MECOM: variants seen among roughly 807,000 people sequenced by gnomAD.
MECOM encodes the protein MDS1 and EVI1 complex locus, also known as histone-lysine N-methyltransferase MECOM.
In MECOM, 13 loss-of-function variants were observed where a neutral mutation model predicts 116.3. The observed-to-expected ratio is 0.11, with a 90% CI of 0.07 to 0.18. MECOM has a LOEUF of 0.18. Ranked by LOEUF, MECOM falls within the 10% of genes least tolerant of loss-of-function variation. The pLI, the probability that MECOM is intolerant of heterozygous loss-of-function variation, is 1.00. For synonymous variants in MECOM, 528 were observed against 535.2 expected (o/e 0.99, Z 0.19); for missense variants, 1,299 against 1,509.0 (o/e 0.86, Z 2.31).
chr3:169,145,157 C>A lies in MECOM; in HGVS notation c.376-1325G>T, dbSNP rs533352644. On this transcript the variant is annotated intron_variant, in intron 2 of 16. Coordinates refer to ENST00000651503, the MANE Select transcript of MECOM (RefSeq NM_004991.4). Reference sequence around the variant, plus strand: ...GGATATTATTAAACACACACACACACACACACACACACACACACACACACA... The same window carrying A: ...GGATATTATTAAACACACACACACAAACACACACACACACACACACACACA... 1.2e-3 allele frequency: 502 copies of A among 407,672 alleles called. 8 individuals carry two copies. The African/African-American group carries it at 0.022, about 18-fold the overall frequency. 25.3% of individuals were successfully genotyped at this position (407,672 alleles called of 1,614,324 possible). A position where few individuals can be genotyped will look rare whatever the true frequency, so the allele number is the denominator to read the frequency against.
At chr3:169,484,435 T>C (rs190547086) in intron 1 of MECOM, among the ~76,000 whole-genome samples, 1 of 152,070 alleles carries the variant, frequency 6.6e-6, no homozygotes, top group Non-Finnish European at 1.5e-5. Flanking sequence ...CTTCCATAAA[T>C]TTCAGCAAAA....
At chr3:169,211,466 G>A (rs565922365) in intron 2 of MECOM, among the ~76,000 whole-genome samples, 1 of 152,086 alleles carries the variant, frequency 6.6e-6, no homozygotes, top group African/African-American at 2.4e-5. Flanking sequence ...TTCTTCTGTG[G>A]TCTTGTCAAA....
chr3:169,172,466 C>T (rs1744583598), intron 2 of MECOM, among the ~76,000 whole-genome samples: 1 of 148,026 alleles, frequency 6.8e-6, no homozygotes, highest in African/African-American at 2.5e-5. Flanking sequence ...AAATTAAAGG[C>T]CTATCCATAT....
At chr3:169,493,253 A>G (rs948809548) in intron 1 of MECOM, among the ~76,000 whole-genome samples, 8 of 152,156 alleles carry the variant, frequency 5.3e-5, no homozygotes, top group African/African-American at 1.4e-4. Context: ...ATTTGCAAAT[A>G]TGGTTTATTT....
At chr3:169,409,168 C>A (rs1737170171) in intron 1 of MECOM, among the ~76,000 whole-genome samples, 1 of 152,178 alleles carries the variant, frequency 6.6e-6, no homozygotes, top group African/African-American at 2.4e-5. Context: ...TAATATCTCA[C>A]CAACCTAAGG....
At chr3:169,400,048 G>A (rs997031786) in intron 1 of MECOM, among the ~76,000 whole-genome samples, 3 of 152,124 alleles carry the variant, frequency 2.0e-5, no homozygotes, top group Non-Finnish European at 4.4e-5. Context: ...TATTTTCCCT[G>A]CTGCTTCCTT....
chr3:169,406,241 C>T (rs567137283), intron 1 of MECOM, among the ~76,000 whole-genome samples: 58 of 152,298 alleles, frequency 3.8e-4, no homozygotes, highest in Non-Finnish European at 7.1e-4. Flanking sequence ...CAATAGATTA[C>T]GCTTTTGGAA....
At chr3:169,454,028 C>T (rs192446629) in intron 1 of MECOM, among the ~76,000 whole-genome samples, 4 of 152,236 alleles carry the variant, frequency 2.6e-5, no homozygotes, top group Admixed American at 2.6e-4. Context: ...TGTGCAAGGT[C>T]CCTGTCCACC....
intron 1 of MECOM, among the ~76,000 whole-genome samples, chr3:169,662,160 G>A (rs1024134709): frequency 6.6e-6 from 1 of 152,212 alleles, no homozygotes; most frequent in Non-Finnish European, 1.5e-5. Context: ...GTAAGAGTGG[G>A]GGATGGGACT....
At chr3:169,656,227 T>G (rs1185357265) in intron 1 of MECOM, among the ~76,000 whole-genome samples, 3 of 152,228 alleles carry the variant, frequency 2.0e-5, no homozygotes, top group Non-Finnish European at 4.4e-5. Flanking sequence ...TTTAGGCAGG[T>G]TCTTGAACAA....
chr3:169,241,361 A>C (rs146032689), intron 2 of MECOM, among the ~76,000 whole-genome samples: 1 of 152,250 alleles, frequency 6.6e-6, no homozygotes, highest in East Asian at 1.9e-4. Flanking sequence ...GACCAACCCT[A>C]AATCTTAGGG....
At position 169,472,628 on chromosome 3, in the gene MECOM, A is replaced by G. The variant is rs183343241; in HGVS notation, c.38-91104T>C. Among the ~76,000 whole-genome samples the G allele has an allele frequency of 2.0e-3, 156 of 77,390 alleles. 2 individuals carry two copies. The highest frequency in any genetic ancestry group is 4.6e-3 in the African/African-American group (57 of 12,278). The allele number at this position is 77,390 out of a possible 152,430, so 50.8% of individuals were successfully genotyped here. A position where few individuals can be genotyped will look rare whatever the true frequency, so the allele number is the denominator to read the frequency against. On this transcript the variant is annotated intron_variant, in intron 1 of 16. Transcript: ENST00000651503. ...GAAAGGAAAGGAAAGAAAAGAAAAG[A>G]AAAGAAAAGGAAAGGAAAGGAAAAG... is the stretch of plus-strand genomic sequence containing the variant.
intron 2 of MECOM, among the ~76,000 whole-genome samples, chr3:169,219,037 G>A (rs1023423203): frequency 6.6e-6 from 1 of 151,980 alleles, no homozygotes; most frequent in Non-Finnish European, 1.5e-5. Context: ...TGCTGCTGTG[G>A]GCTTTTTGCA....
chr3:169,369,428 C>T (rs1187246351), intron 2 of MECOM, among the ~76,000 whole-genome samples: 1 of 139,678 alleles, frequency 7.2e-6, no homozygotes, highest in Non-Finnish European at 1.5e-5. Context: ...CTCACTGCAT[C>T]CTTGACCTCC....
At chr3:169,242,730 C>A (rs559399691) in intron 2 of MECOM, among the ~76,000 whole-genome samples, 1 of 152,206 alleles carries the variant, frequency 6.6e-6, no homozygotes, top group East Asian at 1.9e-4. Flanking sequence ...TAGTATTTGG[C>A]CTTGGTGATC....
At chr3:169,232,414 T>C (rs953450693) in intron 2 of MECOM, among the ~76,000 whole-genome samples, 9 of 137,124 alleles carry the variant, frequency 6.6e-5, no homozygotes, top group Admixed American at 6.3e-4. Context: ...ATCAATTTAA[T>C]AGCTGAAAGG....
intron 2 of MECOM, among the ~76,000 whole-genome samples, chr3:169,199,918 A>G (rs1748931062): frequency 6.6e-6 from 1 of 152,118 alleles, no homozygotes; most frequent in Non-Finnish European, 1.5e-5. Flanking sequence ...GTATATCTAA[A>G]TATCTGAGTG....
At chr3:169,489,480 T>C (rs2108908167) in intron 1 of MECOM, among the ~76,000 whole-genome samples, 1 of 152,284 alleles carries the variant, frequency 6.6e-6, no homozygotes, top group East Asian at 1.9e-4. Flanking sequence ...CTTACAGATA[T>C]CAAGATATCC....
At chr3:169,510,668 G>A (rs1755854108) in intron 1 of MECOM, among the ~76,000 whole-genome samples, 1 of 152,218 alleles carries the variant, frequency 6.6e-6, no homozygotes, top group Non-Finnish European at 1.5e-5. Flanking sequence ...TCGCAAGGAT[G>A]TTATCTGTCT....
Sources: allele counts gnomAD v4.1 joint callset (sites outside exome capture counted in the v4.1 genomes callset), GRCh38; gene constraint gnomAD v4.1.1; transcripts MANE v1.5; gene names NCBI Gene and HGNC (gene_info 2026-07-23, HGNC 2026-07-21).